TGIF1: variants seen among roughly 807,000 people sequenced by gnomAD.
The protein encoded by TGIF1 is homeobox protein TGIF1.
A neutral mutation model predicts 19.3 loss-of-function variants in TGIF1; 4 were observed. The observed-to-expected ratio is 0.21, with a 90% CI of 0.10 to 0.47. The LOEUF (loss-of-function observed/expected upper bound fraction) is 0.47, where lower values mean the gene tolerates loss of function less well. TGIF1 is among the 20% of genes least tolerant of loss of function. TGIF1 has a pLI of 0.98. For missense variants in TGIF1, 275 were observed against 341.4 expected, an observed-to-expected ratio of 0.81 and a Z score of 1.53; for synonymous variants, 122 against 129.3, an observed-to-expected ratio of 0.94 and a Z score of 0.38.
At chr18:3,447,856 C>G (rs1323276453), upstream of TGIF1, 2 of 1,590,202 alleles carry the variant, frequency 1.3e-6, no homozygotes, top group Admixed American at 3.3e-5. Flanking sequence ...TCAATTGTCT[C>G]CGCCCCTCCC....
At chr18:3,452,320 G>T (rs772647689) in intron 1 of TGIF1, 1 of 1,613,070 alleles carries the variant, frequency 6.2e-7, no homozygotes. Context: ...GAACTTCCGC[G>T]GTCCCCATCC....
rs531050460 is a variant in TGIF1 at position 3,452,472 on chromosome 18, T to C, written c.16+1967T>C. 3.1e-4 allele frequency: 487 copies of C among 1,584,044 alleles called. 1 individual carries two copies. The African/African-American group carries it at 6.2e-3, about 20-fold the overall frequency. On this transcript the variant is annotated intron_variant, in intron 1 of 2. Transcript: ENST00000343820. Reference sequence around the variant, plus strand: ...AGGTTACCCGGGTTTCTTTCCCCTTTTAGGTTTCCCTGGCGAGTCGTCTGG... The same window carrying C: ...AGGTTACCCGGGTTTCTTTCCCCTTCTAGGTTTCCCTGGCGAGTCGTCTGG...
rs2049436650 is a variant in TGIF1, at chr18:3,458,551, A to C, written c.*611A>C. On this transcript the variant is annotated 3_prime_UTR_variant, in exon 3 of 3. Transcript: ENST00000343820. ...ACCAGCTCTTTGAAAACCTGTGGACAACAAGCCAGTTTGCATAAACAGGAT... is the reference window on the plus strand; with the variant it reads ...ACCAGCTCTTTGAAAACCTGTGGACCACAAGCCAGTTTGCATAAACAGGAT... 1 of 154,726 alleles carries C rather than the reference A, an allele frequency of 6.5e-6. No homozygotes were observed. Among genetic ancestry groups the C allele is most frequent in the South Asian group, 2.0e-4 (1 of 4,986 alleles). The allele number at this position is 154,726 out of a possible 1,614,324, so 9.6% of individuals were successfully genotyped here.
intron 1 of TGIF1, among the ~76,000 whole-genome samples, chr18:3,450,922 G>A (rs1268197556): frequency 6.6e-6 from 1 of 152,108 alleles, no homozygotes; most frequent in Non-Finnish European, 1.5e-5. Context: ...GGCCGGGGCC[G>A]CGGGACCGCC....
intron 1 of TGIF1, among the ~76,000 whole-genome samples, chr18:3,415,976 G>C (rs758105219): frequency 6.6e-6 from 1 of 152,232 alleles, no homozygotes; most frequent in Admixed American, 6.5e-5. Flanking sequence ...AAAGTAACCA[G>C]TCCCAAAGAT....
intron 2 of TGIF1, among the ~76,000 whole-genome samples, chr18:3,443,697 C>T (rs2082702870): frequency 6.6e-6 from 1 of 151,924 alleles, no homozygotes; most frequent in African/African-American, 2.4e-5. Flanking sequence ...CACGAATTCA[C>T]TTGAAATTCA....
At chr18:3,447,909 C>T (rs1035313358), upstream of TGIF1, 1 of 1,505,982 alleles carries the variant, frequency 6.6e-7, no homozygotes, top group South Asian at 1.1e-5. Flanking sequence ...AAACCCTTTC[C>T]AATTCTCGGT....
chr18:3,444,821 A>C (rs2143252644), intron 2 of TGIF1, among the ~76,000 whole-genome samples: 1 of 152,350 alleles, frequency 6.6e-6, no homozygotes, highest in South Asian at 2.1e-4. Context: ...GAGGGAAAAA[A>C]CCAAGCCAAC....
At chr18:3,415,349 A>G (rs890311248) in intron 1 of TGIF1, 3 of 385,936 alleles carry the variant, frequency 7.8e-6, no homozygotes, top group Non-Finnish European at 1.1e-5. Context: ...ATGATGCGCA[A>G]AAGCCTATTG....
intron 2 of TGIF1, among the ~76,000 whole-genome samples, chr18:3,423,401 T>C (rs559056862): frequency 4.6e-5 from 7 of 152,118 alleles, no homozygotes; most frequent in South Asian, 2.1e-4. Context: ...GTTTTAAGGC[T>C]GAGCGCAGTG....
chr18:3,453,785 C>T (rs2083073498), intron 1 of TGIF1: 1 of 985,050 alleles, frequency 1.0e-6, no homozygotes, highest in Non-Finnish European at 1.2e-6. Context: ...ACAACATTTC[C>T]TTGTATGTGG....
At chr18:3,452,474 A>G (rs1005166248) in intron 1 of TGIF1, 1 of 1,580,288 alleles carries the variant, frequency 6.3e-7, no homozygotes, top group Non-Finnish European at 8.6e-7. Context: ...TTCCCCTTTT[A>G]GGTTTCCCTG....
chr18:3,415,457 T>C, intron 1 of TGIF1: 1 of 493,906 alleles, frequency 2.0e-6, no homozygotes, highest in Non-Finnish European at 4.1e-6. Flanking sequence ...TTAAACCACA[T>C]CCTCAGGCCA....
At chr18:3,426,590 T>C (rs962049284) in intron 2 of TGIF1, among the ~76,000 whole-genome samples, 13 of 152,208 alleles carry the variant, frequency 8.5e-5, no homozygotes, top group Non-Finnish European at 1.6e-4. Flanking sequence ...TCCATATTTG[T>C]ATTTTGTTTG....
At chr18:3,448,393 C>T (rs960564695), upstream of TGIF1, 3 of 1,009,274 alleles carry the variant, frequency 3.0e-6, no homozygotes, top group Non-Finnish European at 3.6e-6. Context: ...CTGGCCCCCT[C>T]CCTGCGCCAC....
intron 2 of TGIF1, among the ~76,000 whole-genome samples, chr18:3,427,294 T>C (rs1455258321): frequency 2.6e-5 from 3 of 114,232 alleles, no homozygotes; most frequent in Non-Finnish European, 5.5e-5. Context: ...CATTCTCCCT[T>C]TTTTTTTTTT....
Position 3,457,489 on chromosome 18 carries a change from T to G in TGIF1, c.368T>G (p.Val123Gly), listed in dbSNP as rs1343144061. The G allele has an allele frequency of 1.2e-6, 2 of 1,614,212 alleles. No homozygotes were observed. The highest frequency in any genetic ancestry group is 2.7e-5 in the African/African-American group (2 of 75,040). The change falls in exon 3 of 3, where the codon GTG becomes GGG. Residue 123 changes from valine (V) to glycine (G), a missense_variant. Coordinates refer to ENST00000343820, the MANE Select transcript of TGIF1 (RefSeq NM_003244.4). The surrounding 1 kb of genome is among the most constrained non-coding windows in gnomAD (Gnocchi z 4.9). ...RGAKISETSS[V>G]ESVMGIKNFM... ...GCCAAGATTTCTGAAACGAGCTCTG[T>G]GGAGTCCGTGATGGGCATCAAAAAC...
intron 2 of TGIF1, among the ~76,000 whole-genome samples, chr18:3,431,528 G>T (rs1057025811): frequency 6.6e-6 from 1 of 151,892 alleles, no homozygotes; most frequent in East Asian, 1.9e-4. Flanking sequence ...AGTGAATAAA[G>T]TAGGGCTCCA....
intron 2 of TGIF1, among the ~76,000 whole-genome samples, chr18:3,421,701 C>A (rs146015914): frequency 6.6e-6 from 1 of 151,776 alleles, no homozygotes; most frequent in African/African-American, 2.4e-5. Flanking sequence ...CGTGAGCCAC[C>A]GCGCCCATCT....
Sources: allele counts gnomAD v4.1 joint callset (sites outside exome capture counted in the v4.1 genomes callset), GRCh38; gene constraint gnomAD v4.1.1; non-coding constraint Gnocchi (gnomAD v3.1); transcripts MANE v1.5; gene names NCBI Gene and HGNC (gene_info 2026-07-23, HGNC 2026-07-21).